Variants in JPH1 observed in about 807,000 individuals in gnomAD.
The protein encoded by JPH1 is junctophilin-1.
A neutral mutation model predicts 53.6 loss-of-function variants in JPH1; 12 were observed. The ratio of observed to expected loss-of-function variants is 0.22; its 90% CI spans 0.14 to 0.36. JPH1 has a LOEUF of 0.36. JPH1 is among the 10% of genes least tolerant of loss of function. The pLI, the probability that JPH1 is intolerant of heterozygous loss-of-function variation, is 1.00. For missense variants in JPH1, 808 were observed against 905.5 expected (o/e 0.89, Z 1.38); for synonymous variants, 375 against 363.8 (o/e 1.03, Z -0.35).
At chr8:74,302,597 C>T (rs1807714580) in intron 2 of JPH1, among the ~76,000 whole-genome samples, 2 of 152,116 alleles carry the variant, frequency 1.3e-5, no homozygotes, top group Non-Finnish European at 2.9e-5. Flanking sequence ...TCGCTAAGGA[C>T]TGACAGGGCT....
At chr8:74,294,044 C>G (rs1238175924) in intron 2 of JPH1, among the ~76,000 whole-genome samples, 1 of 152,166 alleles carries the variant, frequency 6.6e-6, no homozygotes, top group African/African-American at 2.4e-5. Flanking sequence ...AAACACAATG[C>G]AGGCGTCACT....
At chr8:74,310,395 A>G (rs927219996) in intron 2 of JPH1, among the ~76,000 whole-genome samples, 47 of 152,286 alleles carry the variant, frequency 3.1e-4, no homozygotes, top group African/African-American at 1.1e-3. Flanking sequence ...TTATAAACAC[A>G]GTACCTTTTG....
At chr8:74,306,610 T>TG (rs1288375937) in intron 2 of JPH1, among the ~76,000 whole-genome samples, 1 of 151,996 alleles carries the variant, frequency 6.6e-6, no homozygotes, top group Non-Finnish European at 1.5e-5. Flanking sequence ...CTAACTTTTT[T>TG]TTTTTTTCTT....
chr8:74,255,526 A>G (rs1806195024), intron 3 of JPH1, among the ~76,000 whole-genome samples: 1 of 152,158 alleles, frequency 6.6e-6, no homozygotes, highest in African/African-American at 2.4e-5. Context: ...AATGGCAACA[A>G]AAGCCAAAAT....
chr8:74,284,993 T>A (rs1440186145), intron 2 of JPH1, among the ~76,000 whole-genome samples: 1 of 152,004 alleles, frequency 6.6e-6, no homozygotes, highest in Non-Finnish European at 1.5e-5. Context: ...CCTGGCTGAT[T>A]TTTGTATTTT....
At chr8:74,249,920 C>G (rs201894993) in intron 3 of JPH1, among the ~76,000 whole-genome samples, 2 of 152,288 alleles carry the variant, frequency 1.3e-5, no homozygotes, top group East Asian at 3.9e-4. Context: ...TATGCTTAAA[C>G]ATGTGAAGAC....
chr8:74,241,975 C>A (rs1377286480), intron 4 of JPH1, among the ~76,000 whole-genome samples: 1 of 152,110 alleles, frequency 6.6e-6, no homozygotes, highest in Non-Finnish European at 1.5e-5. Context: ...CAAAACTCTA[C>A]AAAAATTTCG....
At chr8:74,238,283 T>G (rs1427164315) in intron 4 of JPH1, among the ~76,000 whole-genome samples, 1 of 152,112 alleles carries the variant, frequency 6.6e-6, no homozygotes, top group East Asian at 1.9e-4. Flanking sequence ...AGTATTGATG[T>G]TTTTTGGGTG....
chr8:74,242,970 T>C (rs1805739996), intron 4 of JPH1, among the ~76,000 whole-genome samples: 1 of 152,114 alleles, frequency 6.6e-6, no homozygotes, highest in South Asian at 2.1e-4. Context: ...GTAATTCAAC[T>C]TTTTTTTCCC....
intron 2 of JPH1, among the ~76,000 whole-genome samples, chr8:74,264,193 G>C (rs937088212): frequency 2.6e-5 from 4 of 152,192 alleles, no homozygotes; most frequent in African/African-American, 9.6e-5. Flanking sequence ...CTTTGGTCTA[G>C]AATAGACAAT....
At chr8:74,243,738 T>C (rs1805764821) in intron 4 of JPH1, among the ~76,000 whole-genome samples, 1 of 152,238 alleles carries the variant, frequency 6.6e-6, no homozygotes, top group Non-Finnish European at 1.5e-5. Context: ...ACTATAGCAT[T>C]TGATAAAACA....
rs571646321 is a variant in JPH1 at position 74,314,728 on chromosome 8, C to A, written c.1139+133G>T. ...TGACTTTGATTCTACTGAGTGTAAT[C>A]ATTTTTCACCTTTGATTTTTTAGTA... On this transcript the variant is annotated intron_variant, in intron 2 of 5. Transcript: ENST00000342232. The A allele has an allele frequency of 3.4e-5, 36 of 1,056,594 alleles. No homozygotes were observed. In the African/African-American group the frequency reaches 5.4e-4, roughly 16 times the overall value. The allele number at this position is 1,056,594 out of a possible 1,614,324, so 65.5% of individuals were successfully genotyped here. A position where few individuals can be genotyped will look rare whatever the true frequency, so the allele number is the denominator to read the frequency against.
At chr8:74,290,381 T>C (rs955744165) in intron 2 of JPH1, among the ~76,000 whole-genome samples, 5 of 152,136 alleles carry the variant, frequency 3.3e-5, no homozygotes, top group East Asian at 3.9e-4. Flanking sequence ...CCATTCACAA[T>C]TGCTACAAAG....
At chr8:74,273,099 T>G (rs1806752929) in intron 2 of JPH1, among the ~76,000 whole-genome samples, 1 of 152,224 alleles carries the variant, frequency 6.6e-6, no homozygotes. Context: ...AAAATCTTCT[T>G]TGTAATCTTA....
At chr8:74,318,325 C>T (rs1808219483) in intron 1 of JPH1, among the ~76,000 whole-genome samples, 1 of 152,100 alleles carries the variant, frequency 6.6e-6, no homozygotes, top group Non-Finnish European at 1.5e-5. Context: ...GGAAGGCATC[C>T]AGTTTAGGAG....
rs1166658422 is a variant in JPH1, at chr8:74,252,532, T to C, written c.1258+6853A>G. On this transcript the variant is annotated intron_variant, in intron 3 of 5. Transcript: ENST00000342232. ...TAACATCATAATGACAGGATCAAAT[T>C]CACACATAACAATACTAACCTTAAA... Among the ~76,000 whole-genome samples, 4 of 152,124 alleles carry C rather than the reference T, an allele frequency of 2.6e-5. No homozygotes were observed. In the East Asian group the frequency reaches 7.7e-4, roughly 29 times the overall value.
chr8:74,312,906 T>G (rs893417979), intron 2 of JPH1, among the ~76,000 whole-genome samples: 1 of 152,164 alleles, frequency 6.6e-6, no homozygotes, highest in Non-Finnish European at 1.5e-5. Context: ...AAACTAAAGA[T>G]CTCTTGATTA....
At chr8:74,291,397 C>T (rs1226564665) in intron 2 of JPH1, among the ~76,000 whole-genome samples, 1 of 152,158 alleles carries the variant, frequency 6.6e-6, no homozygotes, top group African/African-American at 2.4e-5. Flanking sequence ...CACTGGCCAT[C>T]AGAGAAATGC....
chr8:74,262,311 G>A (rs1286965685), intron 2 of JPH1, among the ~76,000 whole-genome samples: 2 of 152,220 alleles, frequency 1.3e-5, no homozygotes, highest in African/African-American at 4.8e-5. Flanking sequence ...TCTGGCTCAT[G>A]TTAGTGAATT....
Sources: gnomAD v4.1 joint callset for allele counts (sites outside exome capture counted in the v4.1 genomes callset) on GRCh38, gnomAD v4.1.1 for gene constraint, MANE v1.5 for transcripts, NCBI Gene and HGNC (gene_info 2026-07-23, HGNC 2026-07-21) for gene names.